Variants in PCDH15 observed in about 807,000 individuals in gnomAD.
The protein encoded by PCDH15 is protocadherin-15.
A neutral mutation model predicts 178.5 loss-of-function variants in PCDH15; 129 were observed. The ratio of observed to expected loss-of-function variants is 0.72; its 90% CI spans 0.63 to 0.84. The LOEUF (loss-of-function observed/expected upper bound fraction) is 0.84. Ranked by LOEUF, PCDH15 falls within the 40% of genes least tolerant of loss-of-function variation. The pLI, the probability that PCDH15 is intolerant of heterozygous loss-of-function variation, is 0.00. For synonymous variants in PCDH15, 800 were observed against 732.0 expected (o/e 1.09, Z -1.50); for missense variants, 2,230 against 2,099.9 (o/e 1.06, Z -1.21).
At chr10:55,213,002 C>CA (rs759866864) in intron 1 of PCDH15, among the ~76,000 whole-genome samples, 3 of 151,986 alleles carry the variant, frequency 2.0e-5, no homozygotes, top group African/African-American at 4.8e-5. Context: ...CCAAAGTGTC[C>CA]AAGCTAGAAA....
At position 53,806,263 on chromosome 10, in the gene PCDH15, A is replaced by AAAAT. The variant is rs1383545221; in HGVS notation, c.*312_*315dup. The AAAAT allele has an allele frequency of 4.7e-5, 11 of 233,066 alleles. No homozygotes were observed. In the East Asian group the frequency reaches 5.9e-4, roughly 13 times the overall value. 14.4% of individuals were successfully genotyped at this position (233,066 alleles called of 1,614,324 possible). A position where few individuals can be genotyped will look rare whatever the true frequency, so the allele number is the denominator to read the frequency against. The stretch of plus-strand genomic sequence containing the variant: ...TAAAGCATAATCTATGTTAATCAAT[A>AAAAT]AAATATAAATGATTATTTAGTAATT... On this transcript the variant is annotated 3_prime_UTR_variant, in exon 38 of 38. Coordinates refer to ENST00000644397, the MANE Select transcript of PCDH15 (RefSeq NM_001384140.1).
At chr10:55,097,073 T>C (rs1318708923) in intron 2 of PCDH15, among the ~76,000 whole-genome samples, 2 of 152,146 alleles carry the variant, frequency 1.3e-5, no homozygotes, top group African/African-American at 2.4e-5. Context: ...TATACTGTTA[T>C]GCCTCTTTAC....
At chr10:55,063,090 T>C (rs1841478171) in intron 2 of PCDH15, among the ~76,000 whole-genome samples, 1 of 152,152 alleles carries the variant, frequency 6.6e-6, no homozygotes, top group South Asian at 2.1e-4. Context: ...CAAGGGAACA[T>C]TTGGTAAATT....
At chr10:54,537,679 G>C (rs1456065026) in intron 2 of PCDH15, among the ~76,000 whole-genome samples, 1 of 151,896 alleles carries the variant, frequency 6.6e-6, no homozygotes, top group African/African-American at 2.4e-5. Context: ...AAACCATAAG[G>C]TTTTTGAGAA....
chr10:55,507,528 A>C (rs928967969), intron 2 of PCDH15, among the ~76,000 whole-genome samples: 13 of 151,492 alleles, frequency 8.6e-5, no homozygotes, highest in African/African-American at 3.1e-4. Flanking sequence ...AAGTAACTTG[A>C]GTTTTCTTTT....
chr10:54,715,869 T>C (rs1050108062), intron 1 of PCDH15, among the ~76,000 whole-genome samples: 7 of 152,084 alleles, frequency 4.6e-5, no homozygotes, highest in Admixed American at 6.6e-5. Context: ...ACACACACAT[T>C]CTCTTGGCTT....
intron 2 of PCDH15, among the ~76,000 whole-genome samples, chr10:55,494,411 G>T (rs1840487723): frequency 6.6e-6 from 1 of 151,536 alleles, no homozygotes; most frequent in Admixed American, 6.6e-5. Flanking sequence ...ACTCACTTTT[G>T]ATTGGATTGT....
chr10:53,982,078 A>G (rs2090697116), intron 21 of PCDH15, among the ~76,000 whole-genome samples: 1 of 152,208 alleles, frequency 6.6e-6, no homozygotes, highest in African/African-American at 2.4e-5. Context: ...AATGCTCATC[A>G]TCACTGGCCA....
rs879123187 is a variant in PCDH15, at chr10:54,600,182, C to T, written c.91+63990G>A. 6.2e-6 allele frequency: 4 copies of T among 647,402 alleles called. No homozygotes were observed. The South Asian group carries it at 6.2e-5, about 10-fold the overall frequency. 40.1% of individuals were successfully genotyped at this position (647,402 alleles called of 1,614,324 possible). A position where few individuals can be genotyped will look rare whatever the true frequency, so the allele number is the denominator to read the frequency against. ...GAGGAAGCCATGGAGGAGGCAGTCA[C>T]CATTACCAAATTGGTAAAGGTGCAC... On this transcript the variant is annotated intron_variant, in intron 2 of 37. Coordinates refer to ENST00000644397, the MANE Select transcript of PCDH15 (RefSeq NM_001384140.1).
At chr10:54,355,422 A>G (rs568368341) in intron 5 of PCDH15, among the ~76,000 whole-genome samples, 1 of 152,136 alleles carries the variant, frequency 6.6e-6, no homozygotes, top group South Asian at 2.1e-4. Context: ...CAACTTAATT[A>G]TAAAATATCT....
At chr10:53,888,291 C>CGTATATAT (rs2081248279) in intron 26 of PCDH15, among the ~76,000 whole-genome samples, 1 of 48,824 alleles carries the variant, frequency 2.0e-5, no homozygotes, top group African/African-American at 5.0e-5. Context: ...ACTATATATA[C>CGTATATAT]ATATATATAT....
chr10:54,787,440 T>C (rs1566253338), intron 1 of PCDH15, among the ~76,000 whole-genome samples: 1 of 152,000 alleles, frequency 6.6e-6, no homozygotes, highest in African/African-American at 2.4e-5. Context: ...TATGTGATAG[T>C]CAACAATAGT....
chr10:53,967,474 G>A (rs943467310), intron 21 of PCDH15, among the ~76,000 whole-genome samples: 12 of 152,126 alleles, frequency 7.9e-5, no homozygotes, highest in African/African-American at 2.7e-4. Context: ...ATTTCTTTAT[G>A]TTGCCCAGGT....
At chr10:53,958,893 G>A (rs1331531848) in intron 23 of PCDH15, among the ~76,000 whole-genome samples, 1 of 146,360 alleles carries the variant, frequency 6.8e-6, no homozygotes, top group African/African-American at 2.5e-5. Flanking sequence ...GCAGGAGAAT[G>A]GTGCAAACCC....
rs73252075 is a variant in PCDH15 at position 54,821,557 on chromosome 10, G to C, written c.-29+75893C>G. On this transcript the variant is annotated intron_variant, in intron 3 of 5. Coordinates refer to the PCDH15 transcript ENST00000458638. Reference sequence around the variant, plus strand: ...TAGAAAAAATATTTTTTACAAATAAGGGACCACACATGACACAGATATATA... The same window carrying C: ...TAGAAAAAATATTTTTTACAAATAACGGACCACACATGACACAGATATATA... Among the ~76,000 whole-genome samples the C allele has an allele frequency of 3.7e-3, 565 of 152,042 alleles. 1 individual carries two copies. Among genetic ancestry groups the C allele is most frequent in the African/African-American group, 0.013 (543 of 41,502 alleles).
intron 3 of PCDH15, among the ~76,000 whole-genome samples, chr10:54,399,645 A>G (rs1228066211): frequency 2.0e-5 from 3 of 152,104 alleles, no homozygotes; most frequent in Non-Finnish European, 4.4e-5. Context: ...AGTATTTCCC[A>G]CCAGCAAATG....
chr10:54,153,342 C>T, intron 13 of PCDH15, 49 bp from the exon 14 acceptor site: 1 of 1,598,628 alleles, frequency 6.3e-7, no homozygotes, highest in Admixed American at 1.7e-5. Flanking sequence ...CAACTTTTCA[C>T]CACCATGTCG....
At chr10:55,225,391 C>A (rs1403903485) in intron 1 of PCDH15, among the ~76,000 whole-genome samples, 2 of 151,912 alleles carry the variant, frequency 1.3e-5, no homozygotes, top group African/African-American at 2.4e-5. Context: ...AAAGAAAAAA[C>A]CCCTTTAGAG....
chr10:55,553,837 G>A (rs1842041858), intron 2 of PCDH15, among the ~76,000 whole-genome samples: 1 of 151,890 alleles, frequency 6.6e-6, no homozygotes. Context: ...TGATTATGGT[G>A]ATAATGACGA....
Sources: gnomAD v4.1 joint callset for allele counts (sites outside exome capture counted in the v4.1 genomes callset) on GRCh38, gnomAD v4.1.1 for gene constraint, MANE v1.5 for transcripts, NCBI Gene and HGNC (gene_info 2026-07-23, HGNC 2026-07-21) for gene names.